ELP4: variants seen among roughly 807,000 people sequenced by gnomAD.
The protein encoded by ELP4 is elongator complex protein 4.
ELP4 carries 51 observed loss-of-function variants against 48.9 expected under a neutral mutation model. The ratio of observed to expected loss-of-function variants is 1.04; its 90% CI spans 0.83 to 1.32. The LOEUF is 1.32. Among genes scored for constraint, ELP4 ranks in the 40% most tolerant of loss-of-function variants. The probability of loss-of-function intolerance (pLI) is 0.00; values close to 1 mark genes in which losing one functional copy is unlikely to be tolerated. For missense variants in ELP4, 519 were observed against 514.6 expected, an observed-to-expected ratio of 1.01 and a Z score of -0.08; for synonymous variants, 210 against 189.2, an observed-to-expected ratio of 1.11 and a Z score of -0.90.
chr11:31,672,385 T>C (rs566553639), intron 9 of ELP4, among the ~76,000 whole-genome samples: 1 of 152,220 alleles, frequency 6.6e-6, no homozygotes, highest in Non-Finnish European at 1.5e-5. Context: ...TCTTTTGTTA[T>C]GAGGTGATTT....
chr11:31,549,970 A>C (rs1028553416), intron 3 of ELP4, among the ~76,000 whole-genome samples: 2 of 151,286 alleles, frequency 1.3e-5, no homozygotes, highest in Non-Finnish European at 2.9e-5. Context: ...GGAACATCAC[A>C]CTCTGGGGAC....
At chr11:31,721,088 G>A (rs1235289952) in intron 9 of ELP4, among the ~76,000 whole-genome samples, 1 of 152,138 alleles carries the variant, frequency 6.6e-6, no homozygotes, top group African/African-American at 2.4e-5. Context: ...ATTTTGTTCT[G>A]CTTTAAGACT....
At chr11:31,736,080 A>G (rs1396449030) in intron 9 of ELP4, among the ~76,000 whole-genome samples, 1 of 152,228 alleles carries the variant, frequency 6.6e-6, no homozygotes, top group Non-Finnish European at 1.5e-5. Context: ...AAACTATACT[A>G]CAAGGCTACA....
At chr11:31,648,794 T>G (rs750979034) in intron 8 of ELP4, 1 of 151,606 alleles carries the variant, frequency 6.6e-6, no homozygotes, top group Non-Finnish European at 1.5e-5. Flanking sequence ...CTATGATTCT[T>G]TGTGCTAAAA....
chr11:31,760,307 G>A (rs149900450), intron 9 of ELP4, among the ~76,000 whole-genome samples: 13 of 152,254 alleles, frequency 8.5e-5, no homozygotes, highest in African/African-American at 2.4e-4. Context: ...ATGTCACCAC[G>A]TTAAATCTAA....
intron 9 of ELP4, among the ~76,000 whole-genome samples, chr11:31,763,064 C>T (rs1157914714): frequency 6.7e-6 from 1 of 150,292 alleles, no homozygotes; most frequent in Non-Finnish European, 1.5e-5. Context: ...CAAGATTTGG[C>T]TTCTTTAAAT....
At chr11:31,587,052 A>T (rs1170234053) in intron 3 of ELP4, among the ~76,000 whole-genome samples, 1 of 152,122 alleles carries the variant, frequency 6.6e-6, no homozygotes, top group African/African-American at 2.4e-5. Flanking sequence ...ATTTTAAGTA[A>T]TGCCTCTCCC....
rs548106901 is a variant in ELP4, at chr11:31,603,796, G to A, written c.542G>A (p.Gly181Asp). The A allele has an allele frequency of 3.4e-5, 54 of 1,608,770 alleles. No homozygotes were observed. Among genetic ancestry groups the A allele is most frequent in the African/African-American group, 5.3e-5 (4 of 74,832 alleles). Residue 181 changes from glycine to aspartate, a missense_variant, in exon 5 of 10, where the codon GGT becomes GAT. Physicochemically the swap from Gly to Asp is moderately conservative, Grantham distance 94. Coordinates refer to ENST00000640961, the MANE Select transcript of ELP4 (RefSeq NM_019040.5). ...EIGPVSSSRF[G>D]HYYDASKRMP... Reference sequence around the variant, plus strand: ...GGACCAGTATCATCTTCAAGATTTGGTCACTATTATGATGCATCAAAAAGA... The same window carrying A: ...GGACCAGTATCATCTTCAAGATTTGATCACTATTATGATGCATCAAAAAGA...
intron 5 of ELP4, among the ~76,000 whole-genome samples, chr11:31,624,948 A>C (rs974085241): frequency 1.3e-5 from 2 of 151,460 alleles, no homozygotes; most frequent in African/African-American, 4.8e-5. Flanking sequence ...TATAGTTGTC[A>C]TCTCGTGATA....
chr11:31,533,050 A>G (rs978737576), intron 2 of ELP4, among the ~76,000 whole-genome samples: 1 of 152,162 alleles, frequency 6.6e-6, no homozygotes, highest in Non-Finnish European at 1.5e-5. Context: ...TGCTGGGATT[A>G]CAGGCATGAG....
At chr11:31,668,675 CGTGTGTGTGTGT>C (rs367795416) in intron 9 of ELP4, among the ~76,000 whole-genome samples, 12 of 121,038 alleles carry the variant, frequency 9.9e-5, no homozygotes, top group South Asian at 2.9e-4. Flanking sequence ...CCTTTGGTAC[CGTGTGTGTGTGT>C]GTGTGTGTGT....
intron 6 of ELP4, among the ~76,000 whole-genome samples, chr11:31,631,740 A>G (rs1944866429): frequency 6.6e-6 from 1 of 152,164 alleles, no homozygotes; most frequent in South Asian, 2.1e-4. Flanking sequence ...TAAAATATAA[A>G]AACAAAAAGT....
chr11:31,789,731 C>T lies in ELP4; in HGVS notation c.*6207C>T, dbSNP rs1949143896. On this transcript the variant is annotated 3_prime_UTR_variant, in exon 10 of 10. Coordinates refer to ENST00000640961, the MANE Select transcript of ELP4 (RefSeq NM_019040.5). ...ATACCAAAATGAAGATTTGTTCCAA[C>T]TGATATCGTGCCTTCTGTATACAAA... The T allele has an allele frequency of 1.4e-6, 1 of 706,538 alleles. No homozygotes were observed. Among genetic ancestry groups the T allele is most frequent in the Non-Finnish European group, 2.6e-6 (1 of 385,998 alleles). 43.8% of individuals were successfully genotyped at this position (706,538 alleles called of 1,614,324 possible).
chr11:31,763,826 T>C (rs2134258321), intron 9 of ELP4, among the ~76,000 whole-genome samples: 1 of 152,186 alleles, frequency 6.6e-6, no homozygotes. Flanking sequence ...TCTAAAGAAA[T>C]GAGTTTTCAA....
chr11:31,700,182 A>G (rs1199345425), intron 9 of ELP4, among the ~76,000 whole-genome samples: 2 of 151,984 alleles, frequency 1.3e-5, no homozygotes, highest in Admixed American at 6.6e-5. Context: ...GAAAAGACTA[A>G]TTATGGGTAT....
intron 9 of ELP4, among the ~76,000 whole-genome samples, chr11:31,695,523 G>A (rs1452453017): frequency 6.6e-6 from 1 of 151,458 alleles, no homozygotes; most frequent in South Asian, 2.1e-4. Context: ...TGATCGTGGT[G>A]TATAAGCTTT....
chr11:31,769,399 C>G (rs2134266644), intron 9 of ELP4, among the ~76,000 whole-genome samples: 1 of 152,256 alleles, frequency 6.6e-6, no homozygotes. Flanking sequence ...TGCCACATTT[C>G]CAAGAGGAGT....
chr11:31,535,548 T>C (rs892413527), intron 2 of ELP4, among the ~76,000 whole-genome samples: 2 of 152,136 alleles, frequency 1.3e-5, no homozygotes, highest in South Asian at 4.1e-4. Context: ...TATCACTGTA[T>C]TGCTCAGGCT....
chr11:31,632,423 C>T lies in ELP4; in HGVS notation c.927+18C>T, dbSNP rs371790944. 1.6e-5 allele frequency: 26 copies of T among 1,585,972 alleles called. No individual in the cohort carries two copies. Among genetic ancestry groups the T allele is most frequent in the Non-Finnish European group, 2.2e-5 (26 of 1,167,030 alleles). ...TGATCCAGGTACGAAATTTCCAGAA[C>T]TACTTTTTCATAATTCATAGTAATA... is the stretch of plus-strand genomic sequence containing the variant. On this transcript the variant is annotated intron_variant, in intron 7 of 9. Coordinates refer to ENST00000640961, the MANE Select transcript of ELP4 (RefSeq NM_019040.5).
Sources: allele counts gnomAD v4.1 joint callset (sites outside exome capture counted in the v4.1 genomes callset), GRCh38; gene constraint gnomAD v4.1.1; transcripts MANE v1.5; gene names NCBI Gene and HGNC (gene_info 2026-07-23, HGNC 2026-07-21).